The following CWF19L2 variants were observed in gnomAD, a reference collection of about 807,000 sequenced individuals.
CWF19L2 encodes CWF19 like cell cycle control factor 2, also known as CWF19-like protein 2.
A neutral mutation model predicts 111.7 loss-of-function variants in CWF19L2; 98 were observed. The ratio of observed to expected loss-of-function variants is 0.88; its 90% CI spans 0.75 to 1.04. CWF19L2 has a LOEUF of 1.04. CWF19L2 is among the 50% of genes least tolerant of loss of function. CWF19L2 has a pLI of 0.00. For synonymous variants in CWF19L2, 351 were observed against 342.9 expected (o/e 1.02, Z -0.26); for missense variants, 1,101 against 1,051.4 (o/e 1.05, Z -0.65).
At position 107,336,604 on chromosome 11, in the gene CWF19L2, A is replaced by T. The variant is rs1485168996; in HGVS notation, c.2312T>A (p.Ile771Asn). The change falls in exon 15 of 18, where the codon ATT (isoleucine) becomes AAT (asparagine). Residue 771 changes from isoleucine (I) to asparagine (N), a missense_variant. Physicochemically the swap from Ile to Asn is moderately radical, Grantham distance 149 (BLOSUM62 -3). Transcript: ENST00000282251. The stretch of plus-strand genomic sequence containing the variant: ...GTCACCCACTTCCTTGGGAAGAGGA[A>T]TACATTCATAAACCATGTGATACTG... The part of the protein sequence containing the change: ...KKQYHMVYEC[I>N]PLPKEVGDMA... 1.2e-6 allele frequency: 2 copies of T among 1,608,626 alleles called. No homozygotes were observed. The highest frequency in any genetic ancestry group is 2.7e-5 in the African/African-American group (2 of 74,636).
At chr11:107,413,733 G>A (rs1319332003) in intron 10 of CWF19L2, among the ~76,000 whole-genome samples, 1 of 151,954 alleles carries the variant, frequency 6.6e-6, no homozygotes, top group African/African-American at 2.4e-5. Flanking sequence ...AAAATATTAG[G>A]TACCACAACT....
Position 107,353,598 on chromosome 11 carries a change from G to A in CWF19L2, c.2011C>T (p.Gln671Ter). Reference sequence around the variant, plus strand: ...AAACAATACAGACATTTTTCCATTTGTGCAGCAAGACTCCGATGCTCAGCA... The same window carrying A: ...AAACAATACAGACATTTTTCCATTTATGCAGCAAGACTCCGATGCTCAGCA... ...AIAEHRSLAA[Q>*]MEKCLYCFDS... is the part of the protein sequence containing the mutation. The change falls in exon 13 of 18, where the codon CAA becomes TAA. Residue 671 changes from glutamine to a stop codon, truncating the protein, a stop_gained. Transcript: ENST00000282251. LOFTEE classifies it high-confidence loss of function. 6.2e-7 allele frequency: 1 copy of A among 1,613,788 alleles called. No individual in the cohort carries two copies. Among genetic ancestry groups the A allele is most frequent in the Non-Finnish European group, 8.5e-7 (1 of 1,179,776 alleles).
At chr11:107,354,029 G>C (rs1860199006) in intron 12 of CWF19L2, among the ~76,000 whole-genome samples, 1 of 151,650 alleles carries the variant, frequency 6.6e-6, no homozygotes, top group Non-Finnish European at 1.5e-5. Flanking sequence ...TAATAGATGA[G>C]GAAACTGAAT....
chr11:107,427,806 A>G (rs1352376294), intron 8 of CWF19L2, among the ~76,000 whole-genome samples: 1 of 152,112 alleles, frequency 6.6e-6, no homozygotes. Flanking sequence ...CCTGGGAGGA[A>G]AGCCCTGATG....
At chr11:107,446,253 T>C (rs561192286) in intron 3 of CWF19L2, among the ~76,000 whole-genome samples, 103 of 152,338 alleles carry the variant, frequency 6.8e-4, no homozygotes, top group Non-Finnish European at 6.2e-4. Context: ...TTCATCTCCA[T>C]TCACCCCCTC....
At chr11:107,342,023 A>T in intron 14 of CWF19L2, among the ~76,000 whole-genome samples, 1 of 150,516 alleles carries the variant, frequency 6.6e-6, no homozygotes, top group African/African-American at 2.4e-5. Flanking sequence ...TGTTTCATTG[A>T]TTTTCTCTAT....
intron 10 of CWF19L2, chr11:107,403,880 A>G: frequency 1.3e-6 from 1 of 795,832 alleles, no homozygotes; most frequent in Non-Finnish European, 2.2e-6. Flanking sequence ...CTCCTCCTGT[A>G]TTTGAAGAAG....
chr11:107,330,478 A>G (rs1354514200), intron 16 of CWF19L2, among the ~76,000 whole-genome samples: 2 of 152,104 alleles, frequency 1.3e-5, no homozygotes, highest in Non-Finnish European at 2.9e-5. Flanking sequence ...TTATACAAAA[A>G]CAATCATAAT....
chr11:107,339,136 A>G (rs1474454881), intron 14 of CWF19L2, among the ~76,000 whole-genome samples: 3 of 152,152 alleles, frequency 2.0e-5, no homozygotes, highest in African/African-American at 7.2e-5. Flanking sequence ...TATTCTCTGG[A>G]GATCCACCCA....
chr11:107,363,467 G>A (rs1250611859), intron 12 of CWF19L2, among the ~76,000 whole-genome samples: 33 of 151,788 alleles, frequency 2.2e-4, no homozygotes, highest in South Asian at 1.0e-3. Flanking sequence ...GACTACCAGC[G>A]GATCTCTAGG....
rs112959697 is a variant in CWF19L2 at position 107,442,884 on chromosome 11, G to A, written c.450+55C>T. 3.6e-4 allele frequency: 369 copies of A among 1,038,362 alleles called. 2 individuals carry two copies. The highest frequency in any genetic ancestry group is 1.8e-3 in the African/African-American group (99 of 55,366). 64.3% of individuals were successfully genotyped at this position (1,038,362 alleles called of 1,614,324 possible). The stretch of plus-strand genomic sequence containing the variant: ...AGAGAGGGAAGGAGGGAGGGAGGGA[G>A]GAAGGAAGGAAGGAAGGAAGAAAGC... On this transcript the variant is annotated intron_variant, in intron 4 of 17. Transcript: ENST00000282251.
intron 16 of CWF19L2, 37 bp downstream of exon 16, chr11:107,334,844 T>C (rs1859898639): frequency 2.4e-6 from 3 of 1,229,052 alleles, no homozygotes; most frequent in Non-Finnish European, 3.6e-6. Flanking sequence ...TCCTGAGCAC[T>C]AGGGTAATTT....
intron 6 of CWF19L2, among the ~76,000 whole-genome samples, chr11:107,434,281 C>G (rs570971186): frequency 6.6e-6 from 1 of 152,068 alleles, no homozygotes; most frequent in Admixed American, 6.5e-5. Flanking sequence ...GAAGATAATG[C>G]CAAAGTGGAT....
At chr11:107,386,684 T>A (rs1001745448) in intron 12 of CWF19L2, among the ~76,000 whole-genome samples, 2 of 152,194 alleles carry the variant, frequency 1.3e-5, no homozygotes, top group African/African-American at 4.8e-5. Context: ...GCTGAATCCT[T>A]TCTGTCCTCT....
chr11:107,437,572 G>C (rs568857942), intron 6 of CWF19L2, among the ~76,000 whole-genome samples: 1 of 152,232 alleles, frequency 6.6e-6, no homozygotes, highest in Non-Finnish European at 1.5e-5. Context: ...GAAGCTTTCT[G>C]TCATTTTTTC....
intron 6 of CWF19L2, among the ~76,000 whole-genome samples, chr11:107,438,884 T>TA (rs1861577736): frequency 6.6e-6 from 1 of 151,716 alleles, no homozygotes; most frequent in African/African-American, 2.4e-5. Context: ...CACATCTCTA[T>TA]AAAAAATTAT....
intron 16 of CWF19L2, among the ~76,000 whole-genome samples, chr11:107,332,777 A>G (rs897073925): frequency 2.0e-5 from 3 of 152,116 alleles, no homozygotes; most frequent in Admixed American, 6.6e-5. Flanking sequence ...TTTTTCTTAT[A>G]CTTATGTACT....
At chr11:107,363,194 G>A (rs1039628986) in intron 12 of CWF19L2, among the ~76,000 whole-genome samples, 26 of 152,016 alleles carry the variant, frequency 1.7e-4, no homozygotes, top group African/African-American at 5.1e-4. Flanking sequence ...AATCTACGTC[G>A]GATTGGTGTA....
intron 12 of CWF19L2, among the ~76,000 whole-genome samples, chr11:107,378,880 G>A (rs1458328170): frequency 6.6e-6 from 1 of 152,042 alleles, no homozygotes; most frequent in East Asian, 1.9e-4. Flanking sequence ...TAGTGTGATG[G>A]CAACAGGAAC....
Sources: gnomAD v4.1 joint callset for allele counts (sites outside exome capture counted in the v4.1 genomes callset) on GRCh38, gnomAD v4.1.1 for gene constraint, MANE v1.5 for transcripts, NCBI Gene and HGNC (gene_info 2026-07-23, HGNC 2026-07-21) for gene names.